ELOVL4: variants seen among roughly 807,000 people sequenced by gnomAD.
ELOVL4 encodes the protein very long chain fatty acid elongase 4.
Under a neutral mutation model 42.1 loss-of-function variants are expected in ELOVL4, and 18 were observed. The observed-to-expected ratio is 0.43, with a 90% CI of 0.30 to 0.63. The LOEUF (loss-of-function observed/expected upper bound fraction) is 0.63, where lower values mean the gene tolerates loss of function less well. Ranked by LOEUF, ELOVL4 falls within the 30% of genes least tolerant of loss-of-function variation. The pLI is 0.15. For synonymous variants in ELOVL4, 117 were observed against 127.0 expected (o/e 0.92, Z 0.53); for missense variants, 299 against 376.2 (o/e 0.79, Z 1.70).
chr6:79,933,147 C>G (rs1253038299), intron 1 of ELOVL4, among the ~76,000 whole-genome samples: 1 of 152,038 alleles, frequency 6.6e-6, no homozygotes, highest in Non-Finnish European at 1.5e-5. Context: ...GTGATGATCC[C>G]CTAGGAGGTC....
intron 1 of ELOVL4, among the ~76,000 whole-genome samples, chr6:79,927,492 T>G (rs759384252): frequency 4.6e-5 from 7 of 152,202 alleles, no homozygotes; most frequent in Non-Finnish European, 1.0e-4. Context: ...AGCCTGTATA[T>G]GCAAAATGCT....
intron 3 of ELOVL4, among the ~76,000 whole-genome samples, chr6:79,924,478 G>A (rs973321989): frequency 6.6e-6 from 1 of 151,886 alleles, no homozygotes; most frequent in African/African-American, 2.4e-5. Context: ...TTTAAATTAA[G>A]TACTTTTTAA....
intron 4 of ELOVL4, 88 bp downstream of exon 4, chr6:79,921,537 A>G: frequency 9.6e-7 from 1 of 1,041,114 alleles, no homozygotes; most frequent in Non-Finnish European, 1.5e-6. Context: ...TAAATGGTAG[A>G]TCAAGTCAAA....
At chr6:79,924,467 T>C (rs573832883) in intron 3 of ELOVL4, among the ~76,000 whole-genome samples, 158 of 152,242 alleles carry the variant, frequency 1.0e-3, no homozygotes, top group African/African-American at 3.7e-3. Context: ...CAAAAACAAA[T>C]TTTAAATTAA....
At chr6:79,930,535 GA>G (rs1213584660) in intron 1 of ELOVL4, among the ~76,000 whole-genome samples, 3 of 152,050 alleles carry the variant, frequency 2.0e-5, no homozygotes, top group Non-Finnish European at 4.4e-5. Context: ...TGCTTCTGAT[GA>G]GATGCAAATA....
chr6:79,941,686 A>C (rs1774647584), intron 1 of ELOVL4, among the ~76,000 whole-genome samples: 1 of 152,172 alleles, frequency 6.6e-6, no homozygotes, highest in Non-Finnish European at 1.5e-5. Flanking sequence ...ACATGGTGAA[A>C]TCCCCACTCT....
chr6:79,919,774 GTTCA>G (rs1332034726), intron 4 of ELOVL4, among the ~76,000 whole-genome samples: 1 of 152,166 alleles, frequency 6.6e-6, no homozygotes, highest in African/African-American at 2.4e-5. Flanking sequence ...AAAAATGTAT[GTTCA>G]AATGCAAAGG....
rs1031008916 is a variant in ELOVL4 at position 79,947,329 on chromosome 6, G to A, written c.-50C>T. 3.4e-6 allele frequency: 5 copies of A among 1,455,440 alleles called. No individual in the cohort carries two copies. The South Asian group carries it at 5.8e-5, about 17-fold the overall frequency. 90.2% of individuals were successfully genotyped at this position (1,455,440 alleles called of 1,614,324 possible). A position where few individuals can be genotyped will look rare whatever the true frequency, so the allele number is the denominator to read the frequency against. ...GCAGGAGAAAGCGGAGACCCAGAGA[G>A]AGGGCTGACCCCGGAGGCGGTGGCG... On this transcript the variant is annotated 5_prime_UTR_variant, in exon 1 of 6. Transcript: ENST00000369816.
chr6:79,931,517 T>C (rs890239463), intron 1 of ELOVL4, among the ~76,000 whole-genome samples: 1 of 152,198 alleles, frequency 6.6e-6, no homozygotes, highest in Non-Finnish European at 1.5e-5. Flanking sequence ...ATTTTAAGAC[T>C]ATTCTTTCAA....
chr6:79,930,573 T>G (rs965107773), intron 1 of ELOVL4, among the ~76,000 whole-genome samples: 1 of 152,142 alleles, frequency 6.6e-6, no homozygotes, highest in South Asian at 2.1e-4. Context: ...TATGTTTCCT[T>G]TTCCACTAAA....
In ELOVL4 at chr6:79,918,887, A is replaced by G. The variant is rs936919791; in HGVS notation, c.669+533T>C. On this transcript the variant is annotated intron_variant, in intron 5 of 5. Transcript: ENST00000369816. The stretch of plus-strand genomic sequence containing the variant: ...CTTAAGGACAGTGTTTTAGAGAATT[A>G]CAAGGAGTTCTCTTGCCCTTATTCC... Among the ~76,000 whole-genome samples the G allele has an allele frequency of 4.6e-5, 7 of 152,330 alleles. No individual in the cohort carries two copies. In the South Asian group the frequency reaches 1.5e-3, roughly 32 times the overall value.
chr6:79,919,289 G>T, intron 5 of ELOVL4, 131 bp downstream of exon 5: 2 of 1,022,184 alleles, frequency 2.0e-6, no homozygotes, highest in Non-Finnish European at 3.0e-6. Context: ...GGGCATAACT[G>T]CGATATAGCT....
intron 4 of ELOVL4, 78 bp from the exon 5 acceptor site, chr6:79,919,625 A>G (rs1347532091): frequency 1.6e-6 from 2 of 1,229,280 alleles, no homozygotes; most frequent in African/African-American, 3.0e-5. Context: ...ACAATAAATG[A>G]ATACACATTA....
intron 4 of ELOVL4, among the ~76,000 whole-genome samples, chr6:79,920,734 A>G (rs2127698290): frequency 6.6e-6 from 1 of 152,360 alleles, no homozygotes; most frequent in Non-Finnish European, 1.5e-5. Flanking sequence ...GTTGTTTGGC[A>G]TCAACATTAT....
chr6:79,942,131 A>C (rs1165278632), intron 1 of ELOVL4, among the ~76,000 whole-genome samples: 1 of 152,174 alleles, frequency 6.6e-6, no homozygotes, highest in Non-Finnish European at 1.5e-5. Flanking sequence ...AGAAACATAA[A>C]GGTGGACATG....
In ELOVL4 at chr6:79,914,849, A is replaced by T. The variant is rs1270502971; in HGVS notation, c.*1759T>A. On this transcript the variant is annotated 3_prime_UTR_variant, in exon 6 of 6. Coordinates refer to ENST00000369816, the MANE Select transcript of ELOVL4 (RefSeq NM_022726.4). ...AGCAGAAGTATATTTATTGTGCTGA[A>T]ATCAGGTAGCAGGGAATGAATAGCT... 6.5e-6 allele frequency: 1 copy of T among 152,714 alleles called. No homozygotes were observed. Among genetic ancestry groups the T allele is most frequent in the East Asian group, 1.9e-4 (1 of 5,192 alleles). The allele number at this position is 152,714 out of a possible 1,614,324, so 9.5% of individuals were successfully genotyped here.
At chr6:79,937,557 A>G (rs1018071133) in intron 1 of ELOVL4, among the ~76,000 whole-genome samples, 11 of 152,176 alleles carry the variant, frequency 7.2e-5, no homozygotes, top group East Asian at 3.9e-4. Context: ...ACCGAGCCCA[A>G]TGGAATATGA....
intron 1 of ELOVL4, among the ~76,000 whole-genome samples, chr6:79,931,876 G>T (rs1774451351): frequency 6.6e-6 from 1 of 152,188 alleles, no homozygotes; most frequent in African/African-American, 2.4e-5. Flanking sequence ...TACACAGAAG[G>T]AGTTGTCTCC....
intron 3 of ELOVL4, among the ~76,000 whole-genome samples, chr6:79,923,358 A>G (rs1561984470): frequency 1.3e-5 from 2 of 151,638 alleles, no homozygotes; most frequent in African/African-American, 4.9e-5. Flanking sequence ...ATAATAGCTC[A>G]TTTTTTAAAG....
Sources: allele counts gnomAD v4.1 joint callset (sites outside exome capture counted in the v4.1 genomes callset), GRCh38; gene constraint gnomAD v4.1.1; transcripts MANE v1.5; gene names NCBI Gene and HGNC (gene_info 2026-07-23, HGNC 2026-07-21).